CHRM3: variants seen among roughly 807,000 people sequenced by gnomAD.
CHRM3 encodes cholinergic receptor muscarinic 3.
CHRM3 carries 11 observed loss-of-function variants against 41.8 expected under a neutral mutation model. That is an observed-to-expected ratio of 0.26 (90% CI 0.17 to 0.44). The LOEUF (loss-of-function observed/expected upper bound fraction) is 0.44, where lower values mean the gene tolerates loss of function less well. CHRM3 is among the 20% of genes least tolerant of loss of function. The probability of loss-of-function intolerance (pLI) is 1.00; values close to 1 mark genes in which losing one functional copy is unlikely to be tolerated. For synonymous variants in CHRM3, 297 were observed against 301.4 expected (o/e 0.99, Z 0.15); for missense variants, 571 against 745.4 (o/e 0.77, Z 2.72).
intron 3 of CHRM3, among the ~76,000 whole-genome samples, chr1:239,562,908 A>T (rs1415897247): frequency 6.6e-6 from 1 of 150,642 alleles, no homozygotes; most frequent in African/African-American, 2.4e-5. Flanking sequence ...AAAAAAAAAA[A>T]GGTGTTATTC....
intron 1 of CHRM3, among the ~76,000 whole-genome samples, chr1:239,476,323 G>A (rs572569576): frequency 9.9e-5 from 15 of 152,136 alleles, no homozygotes; most frequent in East Asian, 5.8e-4. Context: ...AAAATTAGCC[G>A]GGCATGTTGG....
intron 1 of CHRM3, among the ~76,000 whole-genome samples, chr1:239,396,763 A>T (rs990594618): frequency 6.6e-6 from 1 of 152,240 alleles, no homozygotes; most frequent in African/African-American, 2.4e-5. Flanking sequence ...TAACAGTTTG[A>T]TGTCACGACA....
At chr1:239,512,284 G>C (rs1668976069) in intron 2 of CHRM3, among the ~76,000 whole-genome samples, 1 of 152,208 alleles carries the variant, frequency 6.6e-6, no homozygotes, top group African/African-American at 2.4e-5. Context: ...AGTCAGAGGA[G>C]AGTGGTCAGA....
rs113268793 is a variant in CHRM3, at chr1:239,910,584, GAA to G, written c.*1371_*1372del. On this transcript the variant is annotated 3_prime_UTR_variant, in exon 7 of 7. Coordinates refer to ENST00000676153, the MANE Select transcript of CHRM3 (RefSeq NM_001375978.1). ...TCAAATTGATTTCCTTACCTTTTGG[GAA>G]AAAAAAAAAATTGTTTTTTTGCATT... 1.2e-3 allele frequency: 196 copies of G among 160,634 alleles called. 2 individuals carry two copies. The highest frequency in any genetic ancestry group is 4.5e-3 in the African/African-American group (184 of 40,524). 10.0% of individuals were successfully genotyped at this position (160,634 alleles called of 1,614,324 possible).
intron 5 of CHRM3, among the ~76,000 whole-genome samples, chr1:239,685,106 C>T (rs561033563): frequency 1.7e-4 from 26 of 152,258 alleles, no homozygotes; most frequent in South Asian, 1.7e-3. Context: ...CAGGGCATTT[C>T]GGCTTTAATG....
intron 6 of CHRM3, among the ~76,000 whole-genome samples, chr1:239,832,243 T>A (rs1672954078): frequency 6.6e-6 from 1 of 152,116 alleles, no homozygotes; most frequent in South Asian, 2.1e-4. Flanking sequence ...TTGTCACATT[T>A]TTGTTCTTCC....
intron 4 of CHRM3, among the ~76,000 whole-genome samples, chr1:239,637,203 T>G (rs2148897771): frequency 6.6e-6 from 1 of 152,220 alleles, no homozygotes; most frequent in Non-Finnish European, 1.5e-5. Context: ...CAAAGTCTTT[T>G]GTTTGGTTTT....
intron 5 of CHRM3, among the ~76,000 whole-genome samples, chr1:239,771,970 T>TACAGAG (rs1033928679): frequency 3.9e-5 from 6 of 152,114 alleles, no homozygotes; most frequent in Admixed American, 6.5e-5. Flanking sequence ...AAAAGATAGA[T>TACAGAG]ACAGAGACAG....
intron 4 of CHRM3, among the ~76,000 whole-genome samples, chr1:239,667,804 A>G (rs1673960871): frequency 6.6e-6 from 1 of 152,090 alleles, no homozygotes; most frequent in South Asian, 2.1e-4. Flanking sequence ...AGAATCCAAC[A>G]CAAATCACCT....
At chr1:239,772,140 T>G (rs1312451094) in intron 5 of CHRM3, among the ~76,000 whole-genome samples, 1 of 152,212 alleles carries the variant, frequency 6.6e-6, no homozygotes, top group Admixed American at 6.5e-5. Context: ...TTTCCATTTC[T>G]ATGTATATAC....
At chr1:239,527,120 A>G (rs907975820) in intron 2 of CHRM3, among the ~76,000 whole-genome samples, 1 of 152,186 alleles carries the variant, frequency 6.6e-6, no homozygotes, top group African/African-American at 2.4e-5. Context: ...CCTGTCTCAA[A>G]AAACAAAACA....
rs1292270683 is a variant in CHRM3, at chr1:239,632,254, T to C, written c.-282T>C. The C allele has an allele frequency of 6.6e-6, 1 of 152,220 alleles. No homozygotes were observed. 9.4% of individuals were successfully genotyped at this position (152,220 alleles called of 1,614,324 possible). A position where few individuals can be genotyped will look rare whatever the true frequency, so the allele number is the denominator to read the frequency against. ...GTGTTCTGATTAGTGGCCAAATAAA[T>C]GACAGTCAGAACTTCAGCTAAGGTA... is the stretch of plus-strand genomic sequence containing the variant. On this transcript the variant is annotated 5_prime_UTR_variant, in exon 4 of 7. An upstream start codon of the reference 5' UTR is lost. Transcript: ENST00000676153.
At chr1:239,440,974 T>C (rs548152965) in intron 1 of CHRM3, among the ~76,000 whole-genome samples, 1 of 152,306 alleles carries the variant, frequency 6.6e-6, no homozygotes, top group South Asian at 2.1e-4. Flanking sequence ...GGGTGGTGTA[T>C]CATTTTGACA....
At chr1:239,764,432 C>G (rs1004261403) in intron 5 of CHRM3, among the ~76,000 whole-genome samples, 5 of 152,132 alleles carry the variant, frequency 3.3e-5, no homozygotes, top group African/African-American at 1.2e-4. Context: ...GAGCAAGTTC[C>G]CATCCGAATT....
In CHRM3 at chr1:239,771,622, G is replaced by A. The variant is rs1009751171; in HGVS notation, c.-146-55630G>A. On this transcript the variant is annotated intron_variant, in intron 5 of 6. Coordinates refer to ENST00000676153, the MANE Select transcript of CHRM3 (RefSeq NM_001375978.1). ...GTGTACATAATGTAGACCAAGGGTC[G>A]GCAAACATTTTCTGTATAGGGGCAG... 3.3e-5 allele frequency among the ~76,000 whole-genome samples: 5 copies of A among 152,252 alleles called. No homozygotes were observed. The South Asian group carries it at 1.0e-3, about 32-fold the overall frequency.
At chr1:239,477,494 T>G (rs1431475622) in intron 1 of CHRM3, among the ~76,000 whole-genome samples, 1 of 152,202 alleles carries the variant, frequency 6.6e-6, no homozygotes, top group East Asian at 1.9e-4. Context: ...TGGGCTGCTT[T>G]TGATCTCAGA....
intron 2 of CHRM3, among the ~76,000 whole-genome samples, chr1:239,539,507 G>A (rs1255684633): frequency 1.1e-5 from 1 of 91,092 alleles, no homozygotes; most frequent in African/African-American, 2.5e-5. Flanking sequence ...TTATGGTTCT[G>A]CTAAAATTTC....
intron 6 of CHRM3, among the ~76,000 whole-genome samples, chr1:239,879,636 C>T (rs139792534): frequency 2.8e-4 from 42 of 152,312 alleles, no homozygotes; most frequent in Non-Finnish European, 5.4e-4. Flanking sequence ...GCGTGAGCAG[C>T]CACAGCCTGG....
intron 5 of CHRM3, among the ~76,000 whole-genome samples, chr1:239,807,653 T>G (rs908275155): frequency 6.6e-6 from 1 of 152,232 alleles, no homozygotes; most frequent in Non-Finnish European, 1.5e-5. Context: ...AGTGAAATGT[T>G]TCTGGCTTTC....
Sources: allele counts gnomAD v4.1 joint callset (sites outside exome capture counted in the v4.1 genomes callset), GRCh38; gene constraint gnomAD v4.1.1; transcripts MANE v1.5; gene names NCBI Gene and HGNC (gene_info 2026-07-23, HGNC 2026-07-21).